TCF7: variants seen among roughly 807,000 people sequenced by gnomAD.
TCF7 encodes transcription factor 7.
A neutral mutation model predicts 46.8 loss-of-function variants in TCF7; 19 were observed. That is an observed-to-expected ratio of 0.41 (90% CI 0.28 to 0.60). TCF7 has a LOEUF of 0.60. TCF7 is among the 20% of genes least tolerant of loss of function. The pLI, the probability that TCF7 is intolerant of heterozygous loss-of-function variation, is 0.35. For missense variants in TCF7, 547 were observed against 504.6 expected, an observed-to-expected ratio of 1.08 and a Z score of -0.81; for synonymous variants, 245 against 213.4, an observed-to-expected ratio of 1.15 and a Z score of -1.29.
intron 3 of TCF7, among the ~76,000 whole-genome samples, chr5:134,116,882 G>A (rs1413275571): frequency 6.6e-6 from 1 of 152,238 alleles, no homozygotes; most frequent in Admixed American, 6.5e-5. Context: ...TACGTGGAAG[G>A]TTTGGAGGAC....
intron 2 of TCF7, 90 bp from the exon 3 acceptor site, chr5:134,115,819 T>C: frequency 6.3e-7 from 1 of 1,585,102 alleles, no homozygotes; most frequent in Non-Finnish European, 8.6e-7. Context: ...AGGGGACCCC[T>C]TGGCAATTCT....
upstream of TCF7, among the ~76,000 whole-genome samples, chr5:134,111,800 G>A (rs1326726057): frequency 6.6e-6 from 1 of 152,214 alleles, no homozygotes; most frequent in East Asian, 1.9e-4. Context: ...GAGTGTGATA[G>A]TTAGGATGTG....
At chr5:134,115,788 C>A (rs1182441248) in intron 2 of TCF7, 121 bp from the exon 3 acceptor site, 2 of 1,537,488 alleles carry the variant, frequency 1.3e-6, no homozygotes, top group Non-Finnish European at 1.7e-6. Flanking sequence ...CAGCCCGTTC[C>A]TTCCCAAGTC....
Position 134,114,772 on chromosome 5 carries a change from C to A in TCF7, c.-135C>A, listed in dbSNP as rs1755563018. The A allele has an allele frequency of 1.1e-6, 1 of 873,568 alleles. No individual in the cohort carries two copies. Among genetic ancestry groups the A allele is most frequent in the Non-Finnish European group, 1.4e-6 (1 of 729,656 alleles). 54.1% of individuals were successfully genotyped at this position (873,568 alleles called of 1,614,324 possible). On this transcript the variant is annotated 5_prime_UTR_variant, in exon 1 of 10. Transcript: ENST00000342854. ...AGCCCGCGCCTGCAGCCCGCCCAGG[C>A]GGAGTCAGCCCGCGCTCCGCCCGCC...
intron 4 of TCF7, 112 bp downstream of exon 4, chr5:134,138,276 G>A (rs1759209624): frequency 3.3e-6 from 3 of 904,456 alleles, no homozygotes; most frequent in Non-Finnish European, 5.1e-6. Context: ...ACCTGGGGCT[G>A]TGCAAACTAA....
At chr5:134,120,034 C>T (rs576543282) in intron 3 of TCF7, among the ~76,000 whole-genome samples, 14 of 152,272 alleles carry the variant, frequency 9.2e-5, no homozygotes, top group Admixed American at 9.1e-4. Context: ...GCAGAGCTGG[C>T]GAGAGGAGCG....
chr5:134,110,265 A>C (rs769208392), upstream of TCF7, among the ~76,000 whole-genome samples: 5 of 152,204 alleles, frequency 3.3e-5, no homozygotes, highest in Non-Finnish European at 5.9e-5. Flanking sequence ...TCTTTATTTT[A>C]ATAACAATTC....
In TCF7 at chr5:134,146,956, C is replaced by T. The variant is rs543835690; in HGVS notation, c.*653C>T. ...AAGAATGAGCTGGTTTGTCAAACAA[C>T]ATGTGAGCATGGTCACAAGCACAAA... On this transcript the variant is annotated 3_prime_UTR_variant, in exon 10 of 10. Coordinates refer to ENST00000342854, the MANE Select transcript of TCF7 (RefSeq NM_003202.5). 7.4e-5 allele frequency: 14 copies of T among 188,578 alleles called. No homozygotes were observed. Among genetic ancestry groups the T allele is most frequent in the East Asian group, 1.8e-4 (1 of 5,600 alleles). 11.7% of individuals were successfully genotyped at this position (188,578 alleles called of 1,614,324 possible). A position where few individuals can be genotyped will look rare whatever the true frequency, so the allele number is the denominator to read the frequency against.
At position 134,128,368 on chromosome 5, in the gene TCF7, G is replaced by A. The variant is rs921478783; in HGVS notation, c.442-9691G>A. The stretch of plus-strand genomic sequence containing the variant: ...CCTCCTCCCTCTGCTCACACTGGGT[G>A]TGAGGGCTCGGGCAGCAGCACCCCA... On this transcript the variant is annotated intron_variant, in intron 3 of 9. Coordinates refer to ENST00000342854, the MANE Select transcript of TCF7 (RefSeq NM_003202.5). Among the ~76,000 whole-genome samples the A allele has an allele frequency of 5.9e-5, 9 of 152,146 alleles. No homozygotes were observed. The East Asian group carries it at 1.7e-3, about 29-fold the overall frequency.
Position 134,138,074 on chromosome 5 carries a change from C to A in TCF7, c.457C>A (p.Pro153Thr). ...PQPPLHKANQ[P>T]PHGVPQLSLY... is the part of the protein sequence containing the mutation. ...CATTTTTCAGCACAAGGCCAATCAG[C>A]CCCCCCACGGTGTCCCCCAACTCTC... is the stretch of plus-strand genomic sequence containing the variant. Residue 153 changes from proline (P) to threonine (T), a missense_variant, in exon 4 of 10, where the codon CCC (proline) becomes ACC (threonine). By Grantham distance (38) the Pro-to-Thr change is conservative. Transcript: ENST00000342854. 2 of 1,600,704 alleles carry A rather than the reference C, an allele frequency of 1.2e-6. No homozygotes were observed. Among genetic ancestry groups the A allele is most frequent in the Non-Finnish European group, 1.7e-6 (2 of 1,172,968 alleles).
At chr5:134,134,729 T>C (rs1758615655) in intron 3 of TCF7, among the ~76,000 whole-genome samples, 1 of 152,116 alleles carries the variant, frequency 6.6e-6, no homozygotes, top group Non-Finnish European at 1.5e-5. Flanking sequence ...CAGAGAAGGA[T>C]GAGACTGGCC....
At position 134,114,920 on chromosome 5, in the gene TCF7, A is replaced by G. The variant is rs1321928612; in HGVS notation, c.14A>G (p.Asp5Gly). ...GCGGAGCGCACCATGCCGCAGCTGG[A>G]CTCCGGCGGGGGCGGCGCGGGCGGC... MPQL[D>G]SGGGGAGGGD... The change falls in exon 1 of 10, where the codon GAC becomes GGC. Residue 5 changes from aspartate to glycine, a missense_variant. Asp to Gly is a moderately conservative substitution (Grantham distance 94). Around this residue, in one of 3 missense-constraint regions of TCF7, gnomAD observed 425 missense variants for 349.9 expected, o/e 1.21. Transcript: ENST00000342854. The G allele has an allele frequency of 1.9e-6, 2 of 1,050,136 alleles. No individual in the cohort carries two copies. Among genetic ancestry groups the G allele is most frequent in the Admixed American group, 1.0e-4 (2 of 19,960 alleles). 65.1% of individuals were successfully genotyped at this position (1,050,136 alleles called of 1,614,324 possible).
chr5:134,138,215 A>T, intron 4 of TCF7, 51 bp downstream of exon 4: 1 of 1,540,106 alleles, frequency 6.5e-7, no homozygotes, highest in South Asian at 1.1e-5. Context: ...CCTAAGGGCC[A>T]AGACCCCAGC....
In TCF7 at chr5:134,143,101, G is replaced by GT; in HGVS notation, c.1026+2dup. Reference sequence around the variant, plus strand: ...AGGCTGGTCAGCGCGGGACAACTACGTGAGTGCCTAGTGACACACAGCAGG... The same window carrying GT: ...AGGCTGGTCAGCGCGGGACAACTACGTTGAGTGCCTAGTGACACACAGCAGG... On this transcript the variant is annotated splice_donor_variant, in intron 8 of 9. Transcript: ENST00000342854. LOFTEE classifies it high-confidence loss of function. The GT allele has an allele frequency of 6.2e-7, 1 of 1,600,418 alleles. No homozygotes were observed. Among genetic ancestry groups the GT allele is most frequent in the Non-Finnish European group, 8.5e-7 (1 of 1,173,696 alleles).
upstream of TCF7, among the ~76,000 whole-genome samples, chr5:134,111,782 G>C (rs542752891): frequency 6.6e-6 from 1 of 152,160 alleles, no homozygotes; most frequent in African/African-American, 2.4e-5. Flanking sequence ...TTTTATAATG[G>C]AACACTAGAG....
At chr5:134,133,132 G>C (rs1026858070) in intron 3 of TCF7, among the ~76,000 whole-genome samples, 1 of 152,154 alleles carries the variant, frequency 6.6e-6, no homozygotes, top group Non-Finnish European at 1.5e-5. Flanking sequence ...TAGCCCTGGG[G>C]TGTCTGGGAT....
rs1760094159 is a variant in TCF7, at chr5:134,143,046, G to A, written c.972G>A (p.Lys324=). 1 of 1,611,892 alleles carries A rather than the reference G, an allele frequency of 6.2e-7. No homozygotes were observed. The highest frequency in any genetic ancestry group is 8.5e-7 in the Non-Finnish European group (1 of 1,179,004). The change falls in exon 8 of 10, where the codon AAG becomes AAA. Residue 324 remains lysine, a synonymous_variant. Transcript: ENST00000342854. ...CCAAGTACTATGAGCTGGCCCGCAA[G>A]GAGAGGCAGCTGCACATGCAGCTAT... The part of the protein sequence containing the change: ...EQAKYYELAR[K]ERQLHMQLYP...
intron 4 of TCF7, 162 bp from the exon 5 acceptor site, chr5:134,138,789 A>G (rs767735366): frequency 1.1e-5 from 13 of 1,175,166 alleles, no homozygotes; most frequent in East Asian, 7.8e-5. Flanking sequence ...AAGGGGCACT[A>G]TTATCACACT....
In TCF7 at chr5:134,141,814, G is replaced by A. The variant is rs377620740; in HGVS notation, c.636-371G>A. ...TTCAGGTGTCTCTAATGGTTACTCT[G>A]GCTATTGTGTGGAGAGAGGCCTGGA... is the stretch of plus-strand genomic sequence containing the variant. On this transcript the variant is annotated intron_variant, in intron 5 of 9. Coordinates refer to ENST00000342854, the MANE Select transcript of TCF7 (RefSeq NM_003202.5). 27 of 174,186 alleles carry A rather than the reference G, an allele frequency of 1.6e-4. 1 individual carries two copies. The highest frequency in any genetic ancestry group is 5.4e-4 in the African/African-American group (23 of 42,390). The allele number at this position is 174,186 out of a possible 1,614,324, so 10.8% of individuals were successfully genotyped here.
Sources: allele counts gnomAD v4.1 joint callset (sites outside exome capture counted in the v4.1 genomes callset), GRCh38; gene constraint gnomAD v4.1.1; regional missense constraint gnomAD v4.1.1; transcripts MANE v1.5; gene names NCBI Gene and HGNC (gene_info 2026-07-23, HGNC 2026-07-21).